The following CA10 variants were observed in gnomAD, a reference collection of about 807,000 sequenced individuals.
The protein encoded by CA10 is carbonic anhydrase 10 (inactive).
A neutral mutation model predicts 44.2 loss-of-function variants in CA10; 14 were observed. That is an observed-to-expected ratio of 0.32 (90% CI 0.21 to 0.50). The LOEUF (loss-of-function observed/expected upper bound fraction) is 0.50. CA10 is among the 20% of genes least tolerant of loss of function. CA10 has a pLI of 0.99. For synonymous variants in CA10, 159 were observed against 141.6 expected, an observed-to-expected ratio of 1.12 and a Z score of -0.87; for missense variants, 350 against 409.7, an observed-to-expected ratio of 0.85 and a Z score of 1.26.
chr17:52,135,441 A>AT (rs993074092), intron 1 of CA10, among the ~76,000 whole-genome samples: 10 of 151,942 alleles, frequency 6.6e-5, no homozygotes, highest in Admixed American at 2.0e-4. Flanking sequence ...TAATGCTACC[A>AT]TTTTTTTTGT....
Position 51,663,024 on chromosome 17 carries a change from C to G in CA10, c.466-9288G>C, listed in dbSNP as rs141545347. Among the ~76,000 whole-genome samples the G allele has an allele frequency of 1.9e-3, 289 of 152,268 alleles. 1 individual carries two copies. Among genetic ancestry groups the G allele is most frequent in the African/African-American group, 6.8e-3 (282 of 41,546 alleles). On this transcript the variant is annotated intron_variant, in intron 4 of 8. Transcript: ENST00000451037. ...CTTCTGTCCAAGTAATGTGGGGCTA[C>G]TTATCCCCTCTGATTATTTCTTTAT...
In CA10 at chr17:51,790,065, T is replaced by A. The variant is rs1343511251; in HGVS notation, c.280-42247A>T. Among the ~76,000 whole-genome samples, 3 of 152,312 alleles carry A rather than the reference T, an allele frequency of 2.0e-5. 1 individual carries two copies. The highest frequency in any genetic ancestry group is 2.0e-4 in the Admixed American group (3 of 15,302). ...GTCAGTGTCTAACTTAGTGGCCTCCTTGGTTGCTGGAAATGGGAGGAGCCA... is the reference window on the plus strand; with the variant it reads ...GTCAGTGTCTAACTTAGTGGCCTCCATGGTTGCTGGAAATGGGAGGAGCCA... On this transcript the variant is annotated intron_variant, in intron 3 of 8. Coordinates refer to ENST00000451037, the MANE Select transcript of CA10 (RefSeq NM_020178.5).
intron 3 of CA10, among the ~76,000 whole-genome samples, chr17:51,857,924 AGGG>A (rs1979126349): frequency 6.6e-6 from 1 of 152,206 alleles, no homozygotes; most frequent in South Asian, 2.1e-4. Context: ...TGAGAAATTC[AGGG>A]GTTTCTCCTT....
chr17:51,793,620 G>C (rs114909213), intron 3 of CA10, among the ~76,000 whole-genome samples: 87 of 152,362 alleles, frequency 5.7e-4, no homozygotes, highest in African/African-American at 2.1e-3. Context: ...AGAGACATTT[G>C]CTGTAGCTTG....
intron 3 of CA10, among the ~76,000 whole-genome samples, chr17:51,786,582 T>A (rs1215961747): frequency 1.3e-5 from 2 of 152,126 alleles, no homozygotes; most frequent in African/African-American, 4.8e-5. Flanking sequence ...GATCATATCA[T>A]CTGCAAACAA....
chr17:51,858,853 G>T (rs185779280), intron 3 of CA10, among the ~76,000 whole-genome samples: 2 of 152,160 alleles, frequency 1.3e-5, no homozygotes, highest in Non-Finnish European at 2.9e-5. Flanking sequence ...TAAGAGGAAA[G>T]GTGCTAGAGT....
At chr17:51,889,082 G>T (rs1293511542) in intron 3 of CA10, among the ~76,000 whole-genome samples, 1 of 152,160 alleles carries the variant, frequency 6.6e-6, no homozygotes, top group African/African-American at 2.4e-5. Context: ...TCTTGGGCAT[G>T]GTGGCTGAAT....
intron 2 of CA10, among the ~76,000 whole-genome samples, chr17:52,009,304 C>G (rs2144132181): frequency 6.6e-6 from 1 of 151,908 alleles, no homozygotes; most frequent in South Asian, 2.1e-4. Flanking sequence ...AGACCAGGAT[C>G]CATCTAATTT....
chr17:52,095,723 AT>A (rs1464816266), intron 1 of CA10, among the ~76,000 whole-genome samples: 1 of 152,116 alleles, frequency 6.6e-6, no homozygotes, highest in Non-Finnish European at 1.5e-5. Context: ...TACTAAATTA[AT>A]CATTTTAGCC....
At chr17:51,981,575 T>C (rs1401967144) in intron 2 of CA10, among the ~76,000 whole-genome samples, 1 of 151,998 alleles carries the variant, frequency 6.6e-6, no homozygotes, top group Non-Finnish European at 1.5e-5. Flanking sequence ...AAGTGTTATA[T>C]CTTGGTGGAG....
intron 2 of CA10, among the ~76,000 whole-genome samples, chr17:51,932,769 T>C (rs1982715631): frequency 1.3e-5 from 2 of 152,148 alleles, no homozygotes; most frequent in Non-Finnish European, 2.9e-5. Context: ...TTATCATTTC[T>C]TAAAATATGT....
rs899376908 is a variant in CA10 at position 52,089,484 on chromosome 17, T to G, written c.62-17091A>C. On this transcript the variant is annotated intron_variant, in intron 1 of 8. Coordinates refer to ENST00000451037, the MANE Select transcript of CA10 (RefSeq NM_020178.5). Reference sequence around the variant, plus strand: ...TTTATATATGTATTGACTCATTAAATTCACATCAACTCTCTTTTGTGTTAC... The same window carrying G: ...TTTATATATGTATTGACTCATTAAAGTCACATCAACTCTCTTTTGTGTTAC... 1.1e-4 allele frequency among the ~76,000 whole-genome samples: 16 copies of G among 152,202 alleles called. 1 individual carries two copies. The highest frequency in any genetic ancestry group is 2.4e-4 in the Non-Finnish European group (16 of 68,028).
intron 2 of CA10, among the ~76,000 whole-genome samples, chr17:52,017,040 G>A (rs1407522780): frequency 1.3e-5 from 2 of 152,072 alleles, no homozygotes; most frequent in Non-Finnish European, 2.9e-5. Context: ...TGAGGCTCTC[G>A]CTAGAAGCAG....
chr17:51,798,295 C>T (rs1906794426), intron 3 of CA10, among the ~76,000 whole-genome samples: 1 of 152,212 alleles, frequency 6.6e-6, no homozygotes, highest in Non-Finnish European at 1.5e-5. Context: ...TAGGAAGACC[C>T]TAAAGCTTTA....
At position 51,707,668 on chromosome 17, in the gene CA10, A is replaced by AAT. The variant is rs201982893; in HGVS notation, c.465+39963_465+39964dup. On this transcript the variant is annotated intron_variant, in intron 4 of 8. Transcript: ENST00000451037. ...GGTGTGCAGGGAAGGAAAGTGGATG[A>AAT]ATATGTGTGTGTGTGTGTGTGTGTG... Among the ~76,000 whole-genome samples the AAT allele has an allele frequency of 4.4e-4, 16 of 36,514 alleles. No homozygotes were observed. The East Asian group carries it at 0.021, about 48-fold the overall frequency. The allele number at this position is 36,514 out of a possible 152,430, so 24.0% of individuals were successfully genotyped here.
chr17:52,142,168 G>T (rs1056798375), intron 1 of CA10, among the ~76,000 whole-genome samples: 6 of 152,230 alleles, frequency 3.9e-5, no homozygotes, highest in Non-Finnish European at 7.3e-5. Flanking sequence ...AGAATCCTGA[G>T]TTGGAAATTG....
chr17:51,918,626 C>T (rs750882899), intron 3 of CA10, among the ~76,000 whole-genome samples: 2 of 152,174 alleles, frequency 1.3e-5, no homozygotes, highest in Non-Finnish European at 2.9e-5. Flanking sequence ...TCAAGTGTTA[C>T]ATCTGATGAA....
intron 4 of CA10, among the ~76,000 whole-genome samples, chr17:51,723,008 TA>T (rs1244281658): frequency 6.6e-6 from 1 of 152,212 alleles, no homozygotes; most frequent in Admixed American, 6.5e-5. Flanking sequence ...CCACTGTCTG[TA>T]AAATATAGAC....
chr17:51,990,449 A>G (rs1985000129), intron 2 of CA10, among the ~76,000 whole-genome samples: 1 of 152,134 alleles, frequency 6.6e-6, no homozygotes, highest in Admixed American at 6.6e-5. Context: ...ATTAGTATAA[A>G]TGATAACCTA....
Sources: gnomAD v4.1 joint callset for allele counts (sites outside exome capture counted in the v4.1 genomes callset) on GRCh38, gnomAD v4.1.1 for gene constraint, MANE v1.5 for transcripts, NCBI Gene and HGNC (gene_info 2026-07-23, HGNC 2026-07-21) for gene names.